The following MTUS2 variants were observed in gnomAD, a reference collection of about 807,000 sequenced individuals.
MTUS2 encodes the protein microtubule-associated tumor suppressor candidate 2.
Under a neutral mutation model 114.1 loss-of-function variants are expected in MTUS2, and 40 were observed. That is an observed-to-expected ratio of 0.35 (90% CI 0.27 to 0.46). MTUS2 has a LOEUF of 0.46. MTUS2 is among the 20% of genes least tolerant of loss of function. The probability of loss-of-function intolerance (pLI) is 1.00; values close to 1 mark genes in which losing one functional copy is unlikely to be tolerated. For missense variants in MTUS2, 1,679 were observed against 1,705.4 expected, an observed-to-expected ratio of 0.98 and a Z score of 0.27; for synonymous variants, 688 against 672.0, an observed-to-expected ratio of 1.02 and a Z score of -0.37.
chr13:28,978,353 G>A (rs1000836560), intron 2 of MTUS2, among the ~76,000 whole-genome samples: 4 of 152,078 alleles, frequency 2.6e-5, no homozygotes, highest in African/African-American at 9.7e-5. Flanking sequence ...TTTTGATTAG[G>A]GAATAGGATA....
chr13:28,862,817 A>G (rs1439337985), intron 2 of MTUS2, among the ~76,000 whole-genome samples: 1 of 152,218 alleles, frequency 6.6e-6, no homozygotes, highest in Non-Finnish European at 1.5e-5. Flanking sequence ...AATTAGAATA[A>G]AAATTTTATA....
Position 29,440,021 on chromosome 13 carries a change from C to A in MTUS2, c.3156C>A (p.Ile1052=), listed in dbSNP as rs546167811. Residue 1052 remains isoleucine (I), a synonymous_variant, in exon 9 of 16, where the codon ATC becomes ATA. Transcript: ENST00000612955. ...SALVKEKELS[I]ELANIRDEVA... ...TTGTGAAAGAAAAAGAGCTGTCAAT[C>A]GAACTTGCAAACATCAGGGATGAAG... is the stretch of plus-strand genomic sequence containing the variant. 2 of 1,589,158 alleles carry A rather than the reference C, an allele frequency of 1.3e-6. No homozygotes were observed. The highest frequency in any genetic ancestry group is 4.5e-5 in the East Asian group (2 of 44,398).
chr13:29,330,282 G>C, intron 7 of MTUS2, among the ~76,000 whole-genome samples: 1 of 152,028 alleles, frequency 6.6e-6, no homozygotes, highest in African/African-American at 2.4e-5. Context: ...TTTTTGATGG[G>C]GTTGTTTGCT....
chr13:29,419,078 A>G (rs1875887642), intron 8 of MTUS2, among the ~76,000 whole-genome samples: 1 of 152,210 alleles, frequency 6.6e-6, no homozygotes, highest in Non-Finnish European at 1.5e-5. Context: ...TTTCACCGTT[A>G]TTCCATACAC....
At chr13:29,286,109 A>G (rs1898469704) in intron 6 of MTUS2, among the ~76,000 whole-genome samples, 3 of 152,246 alleles carry the variant, frequency 2.0e-5, no homozygotes, top group Non-Finnish European at 2.9e-5. Context: ...TATTTTTAGT[A>G]GAGTTGGGGT....
intron 2 of MTUS2, among the ~76,000 whole-genome samples, chr13:28,913,496 G>C (rs1880570182): frequency 6.6e-6 from 1 of 152,142 alleles, no homozygotes; most frequent in South Asian, 2.1e-4. Flanking sequence ...TTTTTGATGT[G>C]CTGCTGGATT....
intron 5 of MTUS2, among the ~76,000 whole-genome samples, chr13:29,175,209 A>T (rs9314937): frequency 2.0e-5 from 3 of 152,004 alleles, no homozygotes; most frequent in Non-Finnish European, 4.4e-5. Context: ...GTAAATATAA[A>T]GTCTAAATTT....
chr13:29,065,110 T>C lies in MTUS2; in HGVS notation c.2446+30985T>C, dbSNP rs144406912. 1.7e-3 allele frequency among the ~76,000 whole-genome samples: 263 copies of C among 152,340 alleles called. 1 individual carries two copies. The highest frequency in any genetic ancestry group is 6.0e-3 in the African/African-American group (251 of 41,582). On this transcript the variant is annotated intron_variant, in intron 4 of 15. Transcript: ENST00000612955. ...CATATGCATGCATGTGTCTTTATGA[T>C]AGAACAATTTATGTTCCTTTGAGTA...
At position 29,289,716 on chromosome 13, in the gene MTUS2, C is replaced by T. The variant is rs367654431; in HGVS notation, c.2806+7851C>T. ...TACTAACCTTGTAATCCACCCACCT[C>T]GGCCTCCCAAAGTGCTGGGATTACA... On this transcript the variant is annotated intron_variant, in intron 6 of 15. Coordinates refer to ENST00000612955, the MANE Select transcript of MTUS2 (RefSeq NM_001033602.4). Among the ~76,000 whole-genome samples, 251 of 152,116 alleles carry T rather than the reference C, an allele frequency of 1.7e-3. 1 individual carries two copies. Among genetic ancestry groups the T allele is most frequent in the African/African-American group, 5.7e-3 (236 of 41,504 alleles).
chr13:29,314,374 A>C (rs1049973672), intron 6 of MTUS2, among the ~76,000 whole-genome samples: 3 of 152,220 alleles, frequency 2.0e-5, no homozygotes, highest in Non-Finnish European at 4.4e-5. Context: ...CAGCTATTAA[A>C]CCCAGGGAAA....
chr13:29,477,138 T>C (rs1304370900), intron 9 of MTUS2, among the ~76,000 whole-genome samples: 3 of 152,310 alleles, frequency 2.0e-5, no homozygotes, highest in African/African-American at 7.2e-5. Flanking sequence ...CAGGAGCCTG[T>C]GTTTTTGTCT....
At chr13:28,968,039 A>G (rs555782397) in intron 2 of MTUS2, among the ~76,000 whole-genome samples, 2 of 152,342 alleles carry the variant, frequency 1.3e-5, no homozygotes, top group East Asian at 3.9e-4. Flanking sequence ...GTCACCATTC[A>G]GAGATATACC....
In MTUS2 at chr13:28,891,053, C is replaced by G. The variant is rs562750534; in HGVS notation, c.-243+51203C>G. On this transcript the variant is annotated intron_variant, in intron 2 of 15. Transcript: ENST00000612955. ...AGCCCTACAAAGTGTCAGTTTTCCC[C>G]TCTGGACGAGCCCCTGCCTGCCTTG... 2.0e-5 allele frequency among the ~76,000 whole-genome samples: 3 copies of G among 152,340 alleles called. No homozygotes were observed. In the South Asian group the frequency reaches 6.2e-4, roughly 32 times the overall value.
chr13:29,138,740 CT>C (rs548146191), intron 5 of MTUS2, among the ~76,000 whole-genome samples: 3 of 150,266 alleles, frequency 2.0e-5, no homozygotes, highest in Admixed American at 6.6e-5. Flanking sequence ...TTTCTTAAAG[CT>C]TTTTTTTTAA....
intron 8 of MTUS2, among the ~76,000 whole-genome samples, chr13:29,419,592 T>G (rs949648147): frequency 3.3e-5 from 5 of 152,224 alleles, no homozygotes; most frequent in African/African-American, 9.6e-5. Flanking sequence ...GGGCTCCCAT[T>G]CTTTCCAAAG....
intron 4 of MTUS2, among the ~76,000 whole-genome samples, chr13:29,045,560 G>T (rs936428802): frequency 6.6e-6 from 1 of 152,188 alleles, no homozygotes; most frequent in Non-Finnish European, 1.5e-5. Flanking sequence ...TTGAGGGCAA[G>T]TGTAGGGTCT....
At chr13:28,887,779 C>T (rs1317952850) in intron 2 of MTUS2, among the ~76,000 whole-genome samples, 1 of 152,124 alleles carries the variant, frequency 6.6e-6, no homozygotes, top group Non-Finnish European at 1.5e-5. Context: ...CATGCCACTC[C>T]CTGGGGCTAT....
intron 5 of MTUS2, 101 bp downstream of exon 5, chr13:29,101,071 C>A (rs1185054130): frequency 8.1e-7 from 1 of 1,233,348 alleles, no homozygotes; most frequent in African/African-American, 1.5e-5. Flanking sequence ...TAAGAATTTG[C>A]ATCACCTCCC....
chr13:29,079,595 A>G (rs1889352497), intron 4 of MTUS2, among the ~76,000 whole-genome samples: 1 of 152,188 alleles, frequency 6.6e-6, no homozygotes, highest in Admixed American at 6.5e-5. Context: ...ATATAGATGA[A>G]TAGGGGTCTA....
Sources: allele counts gnomAD v4.1 joint callset (sites outside exome capture counted in the v4.1 genomes callset), GRCh38; gene constraint gnomAD v4.1.1; transcripts MANE v1.5; gene names NCBI Gene and HGNC (gene_info 2026-07-23, HGNC 2026-07-21).